Variants in ROBO2 observed in about 807,000 individuals in gnomAD.
ROBO2 encodes the protein roundabout homolog 2.
Under a neutral mutation model 160.8 loss-of-function variants are expected in ROBO2, and 53 were observed. That is an observed-to-expected ratio of 0.33 (90% confidence interval 0.26 to 0.41). The LOEUF is 0.41. Among genes scored for constraint, ROBO2 ranks in the 10% least tolerant of loss-of-function variants. The probability of loss-of-function intolerance (pLI) is 1.00; values close to 1 mark genes in which losing one functional copy is unlikely to be tolerated. For missense variants in ROBO2, 1,577 were observed against 1,722.4 expected (o/e 0.92, Z 1.49); for synonymous variants, 664 against 611.7 (o/e 1.09, Z -1.26).
chr3:76,899,667 G>A (rs2075080909), intron 2 of ROBO2, among the ~76,000 whole-genome samples: 1 of 152,072 alleles, frequency 6.6e-6, no homozygotes, highest in Non-Finnish European at 1.5e-5. Flanking sequence ...CCTCTTGAGT[G>A]TCTGACATTA....
At chr3:75,982,260 C>A (rs573521762) in intron 2 of ROBO2, among the ~76,000 whole-genome samples, 2 of 151,240 alleles carry the variant, frequency 1.3e-5, no homozygotes, top group South Asian at 2.1e-4. Context: ...TTGATTTACT[C>A]ATTTTTTTTT....
chr3:77,161,931 C>A (rs2078528414), intron 2 of ROBO2, among the ~76,000 whole-genome samples: 1 of 152,100 alleles, frequency 6.6e-6, no homozygotes, highest in African/African-American at 2.4e-5. Context: ...TCTACAAAGT[C>A]ATGGTTTGAC....
chr3:77,610,741 C>CAAAAAAAAAAAAAAAAA (rs71629658), intron 21 of ROBO2, among the ~76,000 whole-genome samples: 2 of 19,826 alleles, frequency 1.0e-4, no homozygotes, highest in Non-Finnish European at 1.9e-4. Context: ...GGCCAAAGAC[C>CAAAAAAAAAAAAAAAAA]AAAAAAAAAA....
intron 2 of ROBO2, among the ~76,000 whole-genome samples, chr3:76,148,577 C>T (rs987825014): frequency 6.6e-6 from 1 of 152,028 alleles, no homozygotes; most frequent in African/African-American, 2.4e-5. Flanking sequence ...AGACTCCTTC[C>T]CACCAACCTT....
intron 2 of ROBO2, among the ~76,000 whole-genome samples, chr3:76,616,442 G>A (rs992920988): frequency 3.3e-5 from 5 of 152,152 alleles, no homozygotes; most frequent in African/African-American, 2.4e-5. Flanking sequence ...CAGGGGCCAC[G>A]TGTGGTTGCT....
intron 2 of ROBO2, among the ~76,000 whole-genome samples, chr3:76,634,752 C>T (rs2090227074): frequency 6.6e-6 from 1 of 152,168 alleles, no homozygotes; most frequent in Non-Finnish European, 1.5e-5. Flanking sequence ...AACATAGAAG[C>T]CCCCAACCCC....
chr3:75,971,082 A>G (rs2064978980), intron 2 of ROBO2, among the ~76,000 whole-genome samples: 1 of 151,300 alleles, frequency 6.6e-6, no homozygotes, highest in Admixed American at 6.6e-5. Flanking sequence ...TTCTTCATCA[A>G]AGTTGTGTAT....
At chr3:76,264,819 G>T (rs1706998986) in intron 2 of ROBO2, among the ~76,000 whole-genome samples, 1 of 152,072 alleles carries the variant, frequency 6.6e-6, no homozygotes, top group Admixed American at 6.6e-5. Flanking sequence ...GATTAAAGTG[G>T]CTTTTACTTT....
At chr3:77,588,188 C>A (rs1185820911) in intron 16 of ROBO2, among the ~76,000 whole-genome samples, 1 of 151,978 alleles carries the variant, frequency 6.6e-6, no homozygotes, top group Admixed American at 6.6e-5. Context: ...TCTGTGAAGG[C>A]TGTTTACATA....
At chr3:76,884,347 T>C (rs2073666153) in intron 2 of ROBO2, among the ~76,000 whole-genome samples, 1 of 152,334 alleles carries the variant, frequency 6.6e-6, no homozygotes, top group East Asian at 1.9e-4. Context: ...TAAAGATCTA[T>C]TATTCTCTAA....
chr3:77,319,131 T>C (rs1394041672), intron 2 of ROBO2, among the ~76,000 whole-genome samples: 1 of 152,182 alleles, frequency 6.6e-6, no homozygotes, highest in African/African-American at 2.4e-5. Context: ...ATTGACAATA[T>C]GGGCAATGGC....
chr3:76,481,906 C>T (rs1316588895), intron 2 of ROBO2, among the ~76,000 whole-genome samples: 1 of 152,110 alleles, frequency 6.6e-6, no homozygotes, highest in Non-Finnish European at 1.5e-5. Context: ...AGAATACAAA[C>T]AGTTACTTGT....
intron 4 of ROBO2, among the ~76,000 whole-genome samples, chr3:77,486,531 T>C (rs1292589605): frequency 2.8e-5 from 3 of 108,554 alleles, no homozygotes; most frequent in African/African-American, 9.0e-5. Context: ...GTTGAACTTT[T>C]TTTCATATGT....
chr3:76,882,146 T>G (rs1377633589), intron 2 of ROBO2, among the ~76,000 whole-genome samples: 1 of 150,860 alleles, frequency 6.6e-6, no homozygotes, highest in Non-Finnish European at 1.5e-5. Context: ...GTAGGTTGGT[T>G]GGGGGGGTGT....
intron 2 of ROBO2, among the ~76,000 whole-genome samples, chr3:77,112,608 T>C (rs893999573): frequency 1.9e-4 from 29 of 152,068 alleles, no homozygotes; most frequent in African/African-American, 6.5e-4. Flanking sequence ...GGAATTATTG[T>C]TCCAGGAGCA....
intron 2 of ROBO2, among the ~76,000 whole-genome samples, chr3:77,458,336 C>G (rs1198065254): frequency 6.6e-6 from 1 of 152,044 alleles, no homozygotes; most frequent in Admixed American, 6.6e-5. Context: ...TTAACTGTCT[C>G]CAAGATGGTA....
At chr3:76,361,368 C>G (rs181759756) in intron 2 of ROBO2, among the ~76,000 whole-genome samples, 2 of 152,042 alleles carry the variant, frequency 1.3e-5, no homozygotes, top group East Asian at 3.9e-4. Context: ...GAGAAAATAA[C>G]AGAAAGTACT....
intron 2 of ROBO2, among the ~76,000 whole-genome samples, chr3:77,312,352 T>C (rs1174217034): frequency 6.6e-6 from 1 of 152,204 alleles, no homozygotes; most frequent in African/African-American, 2.4e-5. Flanking sequence ...ATTCATATAT[T>C]GTTGGCAAAT....
intron 2 of ROBO2, among the ~76,000 whole-genome samples, chr3:76,147,321 T>C (rs2071949188): frequency 6.6e-6 from 1 of 151,666 alleles, no homozygotes; most frequent in African/African-American, 2.4e-5. Context: ...ATATTCAACA[T>C]TTTATAAATG....
Sources: gnomAD v4.1 joint callset for allele counts (sites outside exome capture counted in the v4.1 genomes callset) on GRCh38, gnomAD v4.1.1 for gene constraint, MANE v1.5 for transcripts, NCBI Gene and HGNC (gene_info 2026-07-23, HGNC 2026-07-21) for gene names.